IYD: variants seen among roughly 807,000 people sequenced by gnomAD.
IYD encodes the protein iodotyrosine deiodinase 1.
In IYD, 25 loss-of-function variants were observed where a neutral mutation model predicts 28.4. The observed-to-expected ratio is 0.88, with a 90% CI of 0.64 to 1.23. The LOEUF is 1.23. Ranked by LOEUF, IYD falls within the 50% of genes most tolerant of loss-of-function variation. The probability of loss-of-function intolerance (pLI) is 0.00; values close to 1 mark genes in which losing one functional copy is unlikely to be tolerated. For missense variants in IYD, 352 were observed against 357.9 expected (o/e 0.98, Z 0.13); for synonymous variants, 140 against 130.8 (o/e 1.07, Z -0.48).
At chr6:150,390,316 G>A (rs781148363) in intron 2 of IYD, among the ~76,000 whole-genome samples, 2 of 152,182 alleles carry the variant, frequency 1.3e-5, no homozygotes, top group Non-Finnish European at 2.9e-5. Flanking sequence ...CTAACTAACA[G>A]CAGTTACTAA....
chr6:150,401,734 C>T lies in IYD; in HGVS notation c.*3497C>T, dbSNP rs1778515868. The T allele has an allele frequency of 6.6e-6, 1 of 152,082 alleles. No individual in the cohort carries two copies. The allele number at this position is 152,082 out of a possible 1,614,324, so 9.4% of individuals were successfully genotyped here. On this transcript the variant is annotated 3_prime_UTR_variant, in exon 5 of 5. Coordinates refer to ENST00000344419, the MANE Select transcript of IYD (RefSeq NM_203395.3). ...TATAGATCCTCTTGCTGTTCTGAGG[C>T]CTTAAAACCAAAAAAATAATGGAAT...
chr6:150,378,648 C>T (rs1296677637), intron 1 of IYD, among the ~76,000 whole-genome samples: 1 of 152,148 alleles, frequency 6.6e-6, no homozygotes, highest in Non-Finnish European at 1.5e-5. Context: ...ACAACAGGTG[C>T]TGGAGAGGAT....
intron 1 of IYD, among the ~76,000 whole-genome samples, chr6:150,387,470 T>C (rs1284416488): frequency 6.6e-6 from 1 of 151,134 alleles, no homozygotes; most frequent in African/African-American, 2.4e-5. Flanking sequence ...CCCTCTTGAA[T>C]CTGTAGATCT....
chr6:150,393,004 C>T (rs533724935), intron 3 of IYD, among the ~76,000 whole-genome samples: 46 of 152,038 alleles, frequency 3.0e-4, no homozygotes, highest in African/African-American at 9.9e-4. Context: ...CTGCTCCGGG[C>T]GCCGAAGCAC....
chr6:150,394,298 C>G (rs1778232773), intron 4 of IYD, 43 bp downstream of exon 4: 2 of 1,607,690 alleles, frequency 1.2e-6, no homozygotes, highest in African/African-American at 1.3e-5. Context: ...CTTATTAGAA[C>G]ATTTCAGCTG....
intron 1 of IYD, among the ~76,000 whole-genome samples, chr6:150,382,333 C>T (rs1777675072): frequency 6.6e-6 from 1 of 152,132 alleles, no homozygotes; most frequent in Non-Finnish European, 1.5e-5. Flanking sequence ...TTTCCTCTCC[C>T]TTCCATAGGT....
rs1379473862 is a variant in IYD at position 150,402,311 on chromosome 6, C to T, written c.*4074C>T. On this transcript the variant is annotated 3_prime_UTR_variant, in exon 5 of 5. Coordinates refer to ENST00000344419, the MANE Select transcript of IYD (RefSeq NM_203395.3). ...GAAGAGGTCACCCCAACAATTCCAT[C>T]GTACCTTGGCCTAGGAGTGACCTCC... The T allele has an allele frequency of 3.9e-5, 6 of 152,202 alleles. No homozygotes were observed. Among genetic ancestry groups the T allele is most frequent in the South Asian group, 2.1e-4 (1 of 4,828 alleles). 9.4% of individuals were successfully genotyped at this position (152,202 alleles called of 1,614,324 possible).
intron 1 of IYD, among the ~76,000 whole-genome samples, chr6:150,384,032 A>C (rs1433033553): frequency 6.6e-6 from 1 of 152,172 alleles, no homozygotes; most frequent in Non-Finnish European, 1.5e-5. Context: ...TTTCCTAAAG[A>C]CACAATTTAG....
chr6:150,386,770 A>G (rs931088974), intron 1 of IYD, among the ~76,000 whole-genome samples: 1 of 152,152 alleles, frequency 6.6e-6, no homozygotes, highest in African/African-American at 2.4e-5. Flanking sequence ...TTTTATTATC[A>G]ATAATGCTTT....
Position 150,392,476 on chromosome 6 carries a change from C to T in IYD, c.502C>T (p.Arg168Cys), listed in dbSNP as rs564923705. Residue 168 changes from arginine to cysteine, a missense_variant, in exon 3 of 5, where the codon CGC becomes TGC. By Grantham distance (180) the Arg-to-Cys change is radical. Coordinates refer to ENST00000344419, the MANE Select transcript of IYD (RefSeq NM_203395.3). The part of the protein sequence containing the change: ...EINYMKRMGH[R>C]WVTDLKKLRT... ...CAACTACATGAAAAGGATGGGACATCGCTGGGTCACAGACCTCAAGAAACT... is the reference window on the plus strand; with the variant it reads ...CAACTACATGAAAAGGATGGGACATTGCTGGGTCACAGACCTCAAGAAACT... 137 of 1,613,796 alleles carry T rather than the reference C, an allele frequency of 8.5e-5. No individual in the cohort carries two copies. The highest frequency in any genetic ancestry group is 1.6e-4 in the Middle Eastern group (1 of 6,064).
At chr6:150,388,635 CTTTCTTTCTTTCTTTCTTTCTTT>C (rs1777976911) in intron 1 of IYD, among the ~76,000 whole-genome samples, 1 of 46,086 alleles carries the variant, frequency 2.2e-5, no homozygotes, top group East Asian at 3.5e-4. Context: ...TTTTTGCTTT[CTTTCTTTCTTTCTTTCTTTCTTT>C]CTTTCTTTCT....
At chr6:150,377,362 T>C (rs1582773763) in intron 1 of IYD, among the ~76,000 whole-genome samples, 1 of 151,438 alleles carries the variant, frequency 6.6e-6, no homozygotes, top group Non-Finnish European at 1.5e-5. Context: ...CAGTCAGGAG[T>C]TCAAGAGAAG....
intron 1 of IYD, among the ~76,000 whole-genome samples, chr6:150,387,715 G>C (rs638772): frequency 0.89 from 135,385 of 152,174 alleles, 60,350 homozygotes; most frequent in African/African-American, 0.95. Context: ...TGTAGCTAGT[G>C]TAACCTGCTA....
intron 1 of IYD, among the ~76,000 whole-genome samples, chr6:150,386,638 T>G (rs1283341966): frequency 1.3e-5 from 2 of 152,198 alleles, no homozygotes; most frequent in Admixed American, 6.5e-5. Flanking sequence ...GATCTTTCAC[T>G]GTGTTGTGGA....
At chr6:150,384,318 A>G (rs1777780886) in intron 1 of IYD, 1 of 152,200 alleles carries the variant, frequency 6.6e-6, no homozygotes, top group Non-Finnish European at 1.5e-5. Flanking sequence ...TTAGATCCCA[A>G]CAATATTTTC....
At chr6:150,394,542 C>G in intron 4 of IYD, among the ~76,000 whole-genome samples, 1 of 152,156 alleles carries the variant, frequency 6.6e-6, no homozygotes, top group East Asian at 1.9e-4. Context: ...ACATGAAGTA[C>G]TTTGGAGCCT....
At chr6:150,393,307 C>A (rs1778194484) in intron 3 of IYD, among the ~76,000 whole-genome samples, 4 of 152,180 alleles carry the variant, frequency 2.6e-5, no homozygotes, top group Admixed American at 1.3e-4. Context: ...TTACCATTTT[C>A]CCTCTTTATA....
chr6:150,398,195 C>T lies in IYD; in HGVS notation c.828C>T (p.Asp276=). The T allele has an allele frequency of 6.2e-7, 1 of 1,614,164 alleles. No homozygotes were observed. Among genetic ancestry groups the T allele is most frequent in the Admixed American group, 1.7e-5 (1 of 60,028 alleles). Residue 276 remains aspartate, a synonymous_variant, in exon 5 of 5, where the codon GAC becomes GAT. Coordinates refer to ENST00000344419, the MANE Select transcript of IYD (RefSeq NM_203395.3). ...CCAGCAAGGAGGCCACGGTGCCTGA[C>T]CTCAAGCGCAAACCTCTGGACCAGA... ...GYPSKEATVP[D]LKRKPLDQIM... is the part of the protein sequence containing the mutation.
At chr6:150,397,952 T>C in intron 4 of IYD, 103 bp from the exon 5 acceptor site, 6 of 1,154,094 alleles carry the variant, frequency 5.2e-6, no homozygotes, top group Non-Finnish European at 7.8e-6. Context: ...AGGGAAATGA[T>C]AGGAAGAGCA....
Sources: gnomAD v4.1 joint callset for allele counts (sites outside exome capture counted in the v4.1 genomes callset) on GRCh38, gnomAD v4.1.1 for gene constraint, MANE v1.5 for transcripts, NCBI Gene and HGNC (gene_info 2026-07-23, HGNC 2026-07-21) for gene names.